The following NOLC1 variants were observed in gnomAD, a reference collection of about 807,000 sequenced individuals.
NOLC1 encodes the protein nucleolar and coiled-body phosphoprotein 1, also known as 140 kDa nucleolar phosphoprotein.
Under a neutral mutation model 73.4 loss-of-function variants are expected in NOLC1, and 37 were observed. That is an observed-to-expected ratio of 0.50 (90% confidence interval 0.39 to 0.66). The LOEUF (loss-of-function observed/expected upper bound fraction) is 0.66. NOLC1 is among the 30% of genes least tolerant of loss of function. The pLI is 0.00. For missense variants in NOLC1, 921 were observed against 838.9 expected, an observed-to-expected ratio of 1.10 and a Z score of -1.21; for synonymous variants, 327 against 302.6, an observed-to-expected ratio of 1.08 and a Z score of -0.84.
At chr10:102,161,490 C>T (rs972121621) in intron 10 of NOLC1, 66 bp from the exon 11 acceptor site, 65 of 1,259,462 alleles carry the variant, frequency 5.2e-5, no homozygotes, top group Non-Finnish European at 2.4e-5. Context: ...CCTTGGACTC[C>T]CAAAATGCTG....
At position 102,160,832 on chromosome 10, in the gene NOLC1, C is replaced by A. The variant is rs1043411396; in HGVS notation, c.1480C>A (p.Pro494Thr). The A allele has an allele frequency of 4.3e-6, 7 of 1,613,952 alleles. No individual in the cohort carries two copies. The Admixed American group carries it at 6.7e-5, about 15-fold the overall frequency. The change falls in exon 10 of 13, where the codon CCA becomes ACA. Residue 494 changes from proline to threonine, a missense_variant. Pro to Thr is a conservative substitution (Grantham distance 38). Coordinates refer to ENST00000605788, the MANE Select transcript of NOLC1 (RefSeq NM_004741.5). The stretch of plus-strand genomic sequence containing the variant: ...ATCTAAGTCTGCAGTTAAGAAGAAG[C>A]CACAGAAGGTAGCAGGAGGTGCAGC... ...KTSKSAVKKK[P>T]QKVAGGAAPS...
In NOLC1 at chr10:102,158,226, G is replaced by T. The variant is rs369398112; in HGVS notation, c.607+12G>T. ...CCCTCCCAAACCAGGTACTGTTTCTGTTCCCAAGAGGCTGGGCTGGGGACC... is the reference window on the plus strand; with the variant it reads ...CCCTCCCAAACCAGGTACTGTTTCTTTTCCCAAGAGGCTGGGCTGGGGACC... On this transcript the variant is annotated intron_variant, in intron 5 of 12. Coordinates refer to ENST00000605788, the MANE Select transcript of NOLC1 (RefSeq NM_004741.5). The T allele has an allele frequency of 1.2e-6, 2 of 1,612,380 alleles. No individual in the cohort carries two copies. Among genetic ancestry groups the T allele is most frequent in the Non-Finnish European group, 1.7e-6 (2 of 1,178,928 alleles).
chr10:102,152,946 G>A (rs1042477484), intron 1 of NOLC1, among the ~76,000 whole-genome samples: 2 of 152,216 alleles, frequency 1.3e-5, no homozygotes, highest in African/African-American at 2.4e-5. Flanking sequence ...GGATTCAAAA[G>A]CAAGTGAAAT....
Position 102,162,204 on chromosome 10 carries a change from C to G in NOLC1, c.2035C>G (p.Arg679Gly), listed in dbSNP as rs547788849. The change falls in exon 13 of 13, where the codon CGG becomes GGG. Residue 679 changes from arginine (R) to glycine (G), a missense_variant. By Grantham distance (125) the Arg-to-Gly change is moderately radical. Transcript: ENST00000605788. The part of the protein sequence containing the change: ...SFRHEKTKKK[R>G]GSYRGGSISV... ...TCGGCATGAGAAAACCAAGAAGAAGCGGGGCAGCTACCGGGGAGGCTCAAT... is the reference window on the plus strand; with the variant it reads ...TCGGCATGAGAAAACCAAGAAGAAGGGGGGCAGCTACCGGGGAGGCTCAAT... The G allele has an allele frequency of 4.3e-6, 7 of 1,613,914 alleles. No homozygotes were observed. Among genetic ancestry groups the G allele is most frequent in the South Asian group, 2.2e-5 (2 of 91,084 alleles).
chr10:102,161,961 G>A, intron 12 of NOLC1, 36 bp downstream of exon 12: 1 of 1,605,550 alleles, frequency 6.2e-7, no homozygotes, highest in South Asian at 1.1e-5. Flanking sequence ...TGGGAGGGAG[G>A]ATGGGTAGTG....
chr10:102,157,101 T>C, intron 2 of NOLC1, 27 bp downstream of exon 2: 1 of 1,614,118 alleles, frequency 6.2e-7, no homozygotes, highest in Non-Finnish European at 8.5e-7. Flanking sequence ...CCATTTTGGC[T>C]ATTTTCTCCC....
rs1373067493 is a variant in NOLC1, at chr10:102,162,184, A to C, written c.2015A>C (p.His672Pro). ...LKFTKGKSFR[H>P]EKTKKKRGSY... ...TTCACCAAAGGCAAGTCCTTTCGGC[A>C]TGAGAAAACCAAGAAGAAGCGGGGC... The change falls in exon 13 of 13, where the codon CAT becomes CCT. Residue 672 changes from histidine to proline, a missense_variant. Transcript: ENST00000605788. The C allele has an allele frequency of 1.2e-6, 2 of 1,614,152 alleles. No homozygotes were observed. Among genetic ancestry groups the C allele is most frequent in the Non-Finnish European group, 1.7e-6 (2 of 1,180,048 alleles).
At chr10:102,161,450 T>G (rs1346470190) in intron 10 of NOLC1, 106 bp from the exon 11 acceptor site, 1 of 794,694 alleles carries the variant, frequency 1.3e-6, no homozygotes, top group Non-Finnish European at 2.1e-6. Flanking sequence ...CAGGCTGATC[T>G]GAATTTCCTG....
At chr10:102,161,220 G>T in intron 10 of NOLC1, 127 bp downstream of exon 10, 4 of 977,056 alleles carry the variant, frequency 4.1e-6, no homozygotes, top group Non-Finnish European at 5.9e-6. Flanking sequence ...CTGGGAGGAA[G>T]AACAGGAAAC....
Position 102,159,948 on chromosome 10 carries a change from G to T in NOLC1, c.912G>T (p.Leu304=). Residue 304 remains leucine, a synonymous_variant, in exon 8 of 13, where the codon CTG becomes CTT. Transcript: ENST00000605788. ...PPSAPPPKKS[L]GTQPPKKAVE... is the part of the protein sequence containing the mutation. ...CTGCTCCCCCACCAAAGAAGTCTCT[G>T]GGAACCCAGCCTCCCAAGAAGGCTG... 1 of 1,610,146 alleles carries T rather than the reference G, an allele frequency of 6.2e-7. No homozygotes were observed. The highest frequency in any genetic ancestry group is 8.5e-7 in the Non-Finnish European group (1 of 1,178,140).
rs1320245063 is a variant in NOLC1, at chr10:102,163,025, A to G, written c.*756A>G. 2 of 152,234 alleles carry G rather than the reference A, an allele frequency of 1.3e-5. No homozygotes were observed. Among genetic ancestry groups the G allele is most frequent in the Non-Finnish European group, 2.9e-5 (2 of 68,046 alleles). 9.4% of individuals were successfully genotyped at this position (152,234 alleles called of 1,614,324 possible). A position where few individuals can be genotyped will look rare whatever the true frequency, so the allele number is the denominator to read the frequency against. On this transcript the variant is annotated 3_prime_UTR_variant, in exon 13 of 13. Transcript: ENST00000605788. ...GTGCTTTGTTTTTTAATTTGAAAGCAAACTTTTCTACTGTTGAAAGACATT... is the reference window on the plus strand; with the variant it reads ...GTGCTTTGTTTTTTAATTTGAAAGCGAACTTTTCTACTGTTGAAAGACATT...
intron 1 of NOLC1, among the ~76,000 whole-genome samples, chr10:102,156,177 C>T (rs988944717): frequency 6.6e-6 from 1 of 152,222 alleles, no homozygotes; most frequent in African/African-American, 2.4e-5. Context: ...TTATAATCCA[C>T]ATTGCAGGAA....
At position 102,161,827 on chromosome 10, in the gene NOLC1, C is replaced by T. The variant is rs1481564373; in HGVS notation, c.1849-6C>T. On this transcript the variant is annotated splice_region_variant and splice_polypyrimidine_tract_variant and intron_variant, in intron 11 of 12. Coordinates refer to ENST00000605788, the MANE Select transcript of NOLC1 (RefSeq NM_004741.5). ...GTCTTTAATTTCCTACTTCATTCTTCTGTAGGGAGAAAAAAGGGCATCATC... is the reference window on the plus strand; with the variant it reads ...GTCTTTAATTTCCTACTTCATTCTTTTGTAGGGAGAAAAAAGGGCATCATC... 1 of 1,611,922 alleles carries T rather than the reference C, an allele frequency of 6.2e-7. No individual in the cohort carries two copies. The highest frequency in any genetic ancestry group is 8.5e-7 in the Non-Finnish European group (1 of 1,178,032).
Position 102,161,540 on chromosome 10 carries a change from G to C in NOLC1, c.1742-16G>C, listed in dbSNP as rs374047874. Reference sequence around the variant, plus strand: ...AGCCACTGTACTCGGCCTGAGTCTGGCTTTTTGTTTTGTAGGTTCATTAAA... The same window carrying C: ...AGCCACTGTACTCGGCCTGAGTCTGCCTTTTTGTTTTGTAGGTTCATTAAA... On this transcript the variant is annotated splice_polypyrimidine_tract_variant and intron_variant, in intron 10 of 12. Transcript: ENST00000605788. 1 of 1,606,128 alleles carries C rather than the reference G, an allele frequency of 6.2e-7. No homozygotes were observed. Among genetic ancestry groups the C allele is most frequent in the Non-Finnish European group, 8.5e-7 (1 of 1,173,324 alleles).
Position 102,162,191 on chromosome 10 carries a change from A to C in NOLC1, c.2022A>C (p.Lys674Asn). Reference sequence around the variant, plus strand: ...AAGGCAAGTCCTTTCGGCATGAGAAAACCAAGAAGAAGCGGGGCAGCTACC... The same window carrying C: ...AAGGCAAGTCCTTTCGGCATGAGAACACCAAGAAGAAGCGGGGCAGCTACC... ...FTKGKSFRHE[K>N]TKKKRGSYRG... is the part of the protein sequence containing the mutation. The change falls in exon 13 of 13, where the codon AAA becomes AAC. Residue 674 changes from lysine (K) to asparagine (N), a missense_variant. Transcript: ENST00000605788. The C allele has an allele frequency of 6.2e-7, 1 of 1,614,058 alleles. No individual in the cohort carries two copies. The highest frequency in any genetic ancestry group is 8.5e-7 in the Non-Finnish European group (1 of 1,179,998).
At chr10:102,159,601 T>C in intron 7 of NOLC1, 33 bp downstream of exon 7, 1 of 1,605,410 alleles carries the variant, frequency 6.2e-7, no homozygotes. Flanking sequence ...GCTGTGTGAC[T>C]GTGGTCAGGG....
intron 6 of NOLC1, 31 bp from the exon 7 acceptor site, chr10:102,159,402 C>T (rs1281315178): frequency 1.9e-6 from 3 of 1,613,756 alleles, no homozygotes; most frequent in African/African-American, 2.7e-5. Context: ...TCAGCATTTT[C>T]CTGTGGTAAT....
intron 1 of NOLC1, 73 bp from the exon 2 acceptor site, chr10:102,156,946 G>T: frequency 7.1e-7 from 1 of 1,406,074 alleles, no homozygotes; most frequent in Non-Finnish European, 1.0e-6. Context: ...AATTATGTAT[G>T]TAACAGGCCA....
intron 7 of NOLC1, 65 bp downstream of exon 7, chr10:102,159,633 G>C: frequency 1.3e-6 from 2 of 1,499,404 alleles, no homozygotes; most frequent in Non-Finnish European, 1.8e-6. Context: ...TAACCACATG[G>C]ACCTCTCCAT....
Sources: gnomAD v4.1 joint callset for allele counts (sites outside exome capture counted in the v4.1 genomes callset) on GRCh38, gnomAD v4.1.1 for gene constraint, MANE v1.5 for transcripts, NCBI Gene and HGNC (gene_info 2026-07-23, HGNC 2026-07-21) for gene names.